Variants in PCDH15 observed in about 807,000 individuals in gnomAD.
PCDH15 encodes protocadherin related 15.
PCDH15 carries 129 observed loss-of-function variants against 178.5 expected under a neutral mutation model. The ratio of observed to expected loss-of-function variants is 0.72; its 90% CI spans 0.63 to 0.84. PCDH15 has a LOEUF of 0.84. Among genes scored for constraint, PCDH15 ranks in the 40% least tolerant of loss-of-function variants. The pLI, the probability that PCDH15 is intolerant of heterozygous loss-of-function variation, is 0.00. For missense variants in PCDH15, 2,230 were observed against 2,099.9 expected, an observed-to-expected ratio of 1.06 and a Z score of -1.21; for synonymous variants, 800 against 732.0, an observed-to-expected ratio of 1.09 and a Z score of -1.50.
intron 21 of PCDH15, among the ~76,000 whole-genome samples, chr10:53,988,854 T>C (rs752694643): frequency 6.6e-6 from 1 of 151,988 alleles, no homozygotes; most frequent in Non-Finnish European, 1.5e-5. Context: ...GAATTATTGA[T>C]ACTGTTAAAA....
At chr10:54,001,462 AT>A (rs142244110) in intron 20 of PCDH15, among the ~76,000 whole-genome samples, 1 of 152,010 alleles carries the variant, frequency 6.6e-6, no homozygotes, top group Admixed American at 6.6e-5. Context: ...TTTATTAGTT[AT>A]TTTTTCTTGT....
intron 2 of PCDH15, among the ~76,000 whole-genome samples, chr10:55,558,858 T>C (rs1430576976): frequency 6.6e-6 from 1 of 152,156 alleles, no homozygotes; most frequent in African/African-American, 2.4e-5. Context: ...GTATTTGTTA[T>C]TTTTGTTGTT....
At chr10:54,000,994 CAT>C (rs1286078084) in intron 20 of PCDH15, among the ~76,000 whole-genome samples, 1 of 152,136 alleles carries the variant, frequency 6.6e-6, no homozygotes, top group African/African-American at 2.4e-5. Flanking sequence ...TGGCAGCAGA[CAT>C]TTAGCAGAAA....
chr10:53,978,085 A>T (rs190339698), intron 21 of PCDH15, among the ~76,000 whole-genome samples: 1 of 152,108 alleles, frequency 6.6e-6, no homozygotes, highest in Non-Finnish European at 1.5e-5. Flanking sequence ...TGGATTTACC[A>T]TTCTGGGGAC....
intron 18 of PCDH15, 71 bp from the exon 19 acceptor site, chr10:54,023,268 G>T: frequency 7.0e-7 from 1 of 1,426,138 alleles, no homozygotes; most frequent in East Asian, 2.4e-5. Context: ...GAAGGTAACA[G>T]TTAACAAATT....
chr10:54,617,835 G>A (rs1464887034), intron 2 of PCDH15, among the ~76,000 whole-genome samples: 2 of 149,400 alleles, frequency 1.3e-5, no homozygotes, highest in Admixed American at 6.7e-5. Flanking sequence ...CTGAGGCAGA[G>A]AATTTCTTGA....
intron 1 of PCDH15, among the ~76,000 whole-genome samples, chr10:54,750,995 A>G (rs1946151871): frequency 6.6e-6 from 1 of 152,134 alleles, no homozygotes; most frequent in Non-Finnish European, 1.5e-5. Context: ...ATGGCTTTCT[A>G]ATAAACAGAT....
At chr10:55,442,489 A>ATATAATATAT (rs1839219403) in intron 2 of PCDH15, among the ~76,000 whole-genome samples, 1 of 144,114 alleles carries the variant, frequency 6.9e-6, no homozygotes, top group East Asian at 2.0e-4. Flanking sequence ...TATTATATAT[A>ATATAATATAT]TATATATATA....
chr10:54,910,034 G>T (rs1954792406), intron 2 of PCDH15, among the ~76,000 whole-genome samples: 1 of 152,130 alleles, frequency 6.6e-6, no homozygotes, highest in African/African-American at 2.4e-5. Flanking sequence ...TTGAGGCCAT[G>T]GCAAAGACCC....
At chr10:55,032,441 C>G (rs1840635483) in intron 2 of PCDH15, among the ~76,000 whole-genome samples, 2 of 152,116 alleles carry the variant, frequency 1.3e-5, no homozygotes, top group Admixed American at 6.6e-5. Flanking sequence ...GAATTTAACC[C>G]ACTTACACCT....
intron 2 of PCDH15, among the ~76,000 whole-genome samples, chr10:54,565,314 T>G (rs2088865135): frequency 6.6e-6 from 1 of 152,184 alleles, no homozygotes; most frequent in African/African-American, 2.4e-5. Context: ...CTGACTCCAA[T>G]CACATCCAGC....
At chr10:54,549,134 C>A (rs2086232362) in intron 2 of PCDH15, among the ~76,000 whole-genome samples, 1 of 150,442 alleles carries the variant, frequency 6.6e-6, no homozygotes, top group Non-Finnish European at 1.5e-5. Context: ...TTAAATAATC[C>A]TTGGCTTTGT....
At chr10:54,017,006 T>C (rs1050089967) in intron 20 of PCDH15, among the ~76,000 whole-genome samples, 1 of 152,220 alleles carries the variant, frequency 6.6e-6, no homozygotes, top group East Asian at 1.9e-4. Context: ...AGACAACATA[T>C]GTTAAGATAT....
At chr10:55,323,450 G>C (rs1023632492), upstream of PCDH15, among the ~76,000 whole-genome samples, 1 of 152,180 alleles carries the variant, frequency 6.6e-6, no homozygotes, top group Non-Finnish European at 1.5e-5. Context: ...AAGCGGCCTG[G>C]AGGAGGGCTA....
At chr10:54,635,393 T>TAC (rs2093823672) in intron 2 of PCDH15, among the ~76,000 whole-genome samples, 1 of 151,344 alleles carries the variant, frequency 6.6e-6, no homozygotes, top group Non-Finnish European at 1.5e-5. Context: ...TATGTATATA[T>TAC]ATATATGCAC....
chr10:53,909,499 T>C (rs2082916237), intron 25 of PCDH15, among the ~76,000 whole-genome samples: 1 of 152,178 alleles, frequency 6.6e-6, no homozygotes, highest in African/African-American at 2.4e-5. Context: ...AGGTAACAGA[T>C]TTTTAAGCAT....
chr10:54,058,309 T>A (rs755786574), intron 18 of PCDH15, among the ~76,000 whole-genome samples: 3 of 152,214 alleles, frequency 2.0e-5, no homozygotes, highest in Admixed American at 6.5e-5. Flanking sequence ...GGGTAATTTA[T>A]CAAGGAAAGA....
chr10:54,589,694 G>A (rs1042371341), intron 2 of PCDH15, among the ~76,000 whole-genome samples: 21 of 151,864 alleles, frequency 1.4e-4, no homozygotes, highest in South Asian at 2.1e-4. Context: ...TCTTGCTCCC[G>A]GGTTCACACC....
chr10:55,128,120 C>A (rs1022786012), intron 2 of PCDH15, among the ~76,000 whole-genome samples: 1 of 152,004 alleles, frequency 6.6e-6, no homozygotes, highest in African/African-American at 2.4e-5. Flanking sequence ...TATGATCTAA[C>A]GCTGTCATAC....
Sources: gnomAD v4.1 joint callset for allele counts (sites outside exome capture counted in the v4.1 genomes callset) on GRCh38, gnomAD v4.1.1 for gene constraint, MANE v1.5 for transcripts, NCBI Gene and HGNC (gene_info 2026-07-23, HGNC 2026-07-21) for gene names.